Variants in PDE10A observed in about 807,000 individuals in gnomAD.
PDE10A encodes cAMP and cAMP-inhibited cGMP 3',5'-cyclic phosphodiesterase 10A.
A neutral mutation model predicts 97.7 loss-of-function variants in PDE10A; 39 were observed. The observed-to-expected ratio is 0.40, with a 90% confidence interval of 0.31 to 0.52. The LOEUF (loss-of-function observed/expected upper bound fraction) is 0.52, where lower values mean the gene tolerates loss of function less well. Among genes scored for constraint, PDE10A ranks in the 20% least tolerant of loss-of-function variants. The pLI, the probability that PDE10A is intolerant of heterozygous loss-of-function variation, is 0.56. For synonymous variants in PDE10A, 371 were observed against 376.8 expected, an observed-to-expected ratio of 0.98 and a Z score of 0.18; for missense variants, 731 against 1,047.8, an observed-to-expected ratio of 0.70 and a Z score of 4.17.
At position 165,636,725 on chromosome 6, in the gene PDE10A, T is replaced by C. The variant is rs76968250; in HGVS notation, c.865+25222A>G. Among the ~76,000 whole-genome samples the C allele has an allele frequency of 3.3e-3, 504 of 152,318 alleles. 4 individuals are homozygous for C. Among genetic ancestry groups the C allele is most frequent in the African/African-American group, 0.011 (477 of 41,564 alleles). On this transcript the variant is annotated intron_variant, in intron 1 of 21. Coordinates refer to ENST00000539869, the MANE Select transcript of PDE10A (RefSeq NM_001385079.1). ...TGTTTATGCATCTGCCCGAACACAT[T>C]TGTGAAGTACTAATTGGAGGTGCAG...
chr6:165,701,739 G>A (rs1334908117), intron 1 of PDE10A, among the ~76,000 whole-genome samples: 7 of 151,406 alleles, frequency 4.6e-5, no homozygotes, highest in African/African-American at 4.9e-5. Flanking sequence ...GTGCATGTGT[G>A]TGTGCATGTG....
At chr6:165,878,210 T>A (rs1358059703) in intron 1 of PDE10A, among the ~76,000 whole-genome samples, 1 of 152,232 alleles carries the variant, frequency 6.6e-6, no homozygotes. Context: ...TAGATGCCTC[T>A]AGTCTTATAT....
intron 2 of PDE10A, among the ~76,000 whole-genome samples, chr6:165,498,427 A>C (rs1780672598): frequency 6.4e-5 from 3 of 46,590 alleles, no homozygotes; most frequent in African/African-American, 3.2e-4. Context: ...TGTCTCCAAA[A>C]AAAAAAAAAA....
At chr6:165,985,213 A>G (rs772679901) in intron 1 of PDE10A, among the ~76,000 whole-genome samples, 5 of 152,212 alleles carry the variant, frequency 3.3e-5, no homozygotes, top group Non-Finnish European at 7.3e-5. Context: ...GCCAACAACA[A>G]AACATCTCCA....
intron 1 of PDE10A, among the ~76,000 whole-genome samples, chr6:165,629,885 TTTAA>T (rs2128413972): frequency 7.3e-6 from 1 of 137,828 alleles, no homozygotes; most frequent in Non-Finnish European, 1.6e-5. Context: ...TTTGTTTTTT[TTTAA>T]TTAAAGAACA....
intron 19 of PDE10A, 26 bp downstream of exon 19, chr6:165,343,365 T>G: frequency 2.8e-6 from 4 of 1,414,040 alleles, no homozygotes; most frequent in Non-Finnish European, 4.0e-6. Flanking sequence ...TCACTATCTA[T>G]GTCAATATAA....
At chr6:165,634,072 T>TAGTC (rs1428139181) in intron 1 of PDE10A, among the ~76,000 whole-genome samples, 1 of 152,146 alleles carries the variant, frequency 6.6e-6, no homozygotes, top group Non-Finnish European at 1.5e-5. Flanking sequence ...CACCTCGCGA[T>TAGTC]GACTGACAAG....
chr6:165,548,054 C>A (rs1783822598), intron 1 of PDE10A, among the ~76,000 whole-genome samples: 1 of 152,060 alleles, frequency 6.6e-6, no homozygotes, highest in African/African-American at 2.4e-5. Context: ...TACTCAACAG[C>A]CAGCTTCAAC....
At chr6:165,371,923 A>C (rs1357569116) in intron 18 of PDE10A, among the ~76,000 whole-genome samples, 2 of 152,042 alleles carry the variant, frequency 1.3e-5, no homozygotes, top group Non-Finnish European at 2.9e-5. Context: ...CTGGTTCAAT[A>C]TATGCAAATC....
chr6:165,554,364 A>G (rs1349386858), intron 1 of PDE10A, among the ~76,000 whole-genome samples: 1 of 152,188 alleles, frequency 6.6e-6, no homozygotes, highest in African/African-American at 2.4e-5. Flanking sequence ...ATTTAAATAG[A>G]CATTTCTCAA....
intron 1 of PDE10A, among the ~76,000 whole-genome samples, chr6:165,769,213 C>A (rs2128459527): frequency 6.6e-6 from 1 of 152,308 alleles, no homozygotes; most frequent in South Asian, 2.1e-4. Flanking sequence ...TGAGTACTTG[C>A]TGCGTGGCTG....
intron 1 of PDE10A, among the ~76,000 whole-genome samples, chr6:165,928,600 T>C (rs1333347406): frequency 6.6e-6 from 1 of 152,178 alleles, no homozygotes; most frequent in Non-Finnish European, 1.5e-5. Context: ...AGGGGGACAT[T>C]TCCTGGAAAG....
intron 1 of PDE10A, among the ~76,000 whole-genome samples, chr6:165,599,734 G>A (rs952776128): frequency 3.3e-5 from 5 of 152,122 alleles, no homozygotes; most frequent in South Asian, 4.1e-4. Context: ...CCAGTTAACC[G>A]TCAACTGCTG....
intron 1 of PDE10A, among the ~76,000 whole-genome samples, chr6:165,886,453 CT>C (rs1781635975): frequency 6.6e-6 from 1 of 152,242 alleles, no homozygotes; most frequent in East Asian, 1.9e-4. Context: ...CTTGCTGCTC[CT>C]GATGGGTTTG....
rs187336344 is a variant in PDE10A, at chr6:165,584,130, G to C, written c.866-40562C>G. On this transcript the variant is annotated intron_variant, in intron 1 of 21. Transcript: ENST00000539869. ...CCCAAATCGTCTGTGTGATCTTTCA[G>C]GTCCAATAGAGGCAGTTACAAAGTT... 5.6e-4 allele frequency among the ~76,000 whole-genome samples: 86 copies of C among 152,276 alleles called. 1 individual carries two copies. Among genetic ancestry groups the C allele is most frequent in the African/African-American group, 1.9e-3 (81 of 41,544 alleles).
At position 165,353,183 on chromosome 6, in the gene PDE10A, C is replaced by T. The variant is rs114986373; in HGVS notation, c.2784-9681G>A. Among the ~76,000 whole-genome samples the T allele has an allele frequency of 6.9e-3, 1,056 of 152,262 alleles. 10 individuals carry two copies. The highest frequency in any genetic ancestry group is 0.024 in the African/African-American group (1,015 of 41,546). ...GAAAGGCCAAGATCCAGAAAACTGA[C>T]AATGCCCAATGCTGGATATGGAGCA... On this transcript the variant is annotated intron_variant, in intron 18 of 21. Transcript: ENST00000539869.
chr6:165,518,853 C>T (rs1244264564), intron 2 of PDE10A, among the ~76,000 whole-genome samples: 2 of 152,134 alleles, frequency 1.3e-5, no homozygotes, highest in Non-Finnish European at 2.9e-5. Context: ...ATGAGAAAGG[C>T]ATTAACATGT....
chr6:165,411,715 A>G (rs934005903), intron 13 of PDE10A, among the ~76,000 whole-genome samples: 1 of 152,238 alleles, frequency 6.6e-6, no homozygotes, highest in Non-Finnish European at 1.5e-5. Flanking sequence ...ATCATTTAGG[A>G]GTTATGAGAC....
intron 2 of PDE10A, among the ~76,000 whole-genome samples, chr6:165,525,382 T>C (rs1369543666): frequency 1.3e-5 from 2 of 152,114 alleles, no homozygotes; most frequent in South Asian, 2.1e-4. Flanking sequence ...ACAGTTTATA[T>C]GTTTGGTTAG....
Sources: gnomAD v4.1 joint callset for allele counts (sites outside exome capture counted in the v4.1 genomes callset) on GRCh38, gnomAD v4.1.1 for gene constraint, MANE v1.5 for transcripts, NCBI Gene and HGNC (gene_info 2026-07-23, HGNC 2026-07-21) for gene names.